The following TRPC3 variants were observed in gnomAD, a reference collection of about 807,000 sequenced individuals.
TRPC3 encodes the protein transient receptor potential cation channel subfamily C member 3, also known as short transient receptor potential channel 3.
Under a neutral mutation model 90.9 loss-of-function variants are expected in TRPC3, and 54 were observed. The ratio of observed to expected loss-of-function variants is 0.59; its 90% confidence interval spans 0.48 to 0.75. The LOEUF (loss-of-function observed/expected upper bound fraction) is 0.75. Among genes scored for constraint, TRPC3 ranks in the 30% least tolerant of loss-of-function variants. The probability of loss-of-function intolerance (pLI) is 0.00; values close to 1 mark genes in which losing one functional copy is unlikely to be tolerated. For synonymous variants in TRPC3, 424 were observed against 450.9 expected, an observed-to-expected ratio of 0.94 and a Z score of 0.75; for missense variants, 918 against 1,194.5, an observed-to-expected ratio of 0.77 and a Z score of 3.41.
intron 1 of TRPC3, chr4:121,933,383 TAA>T: frequency 5.2e-6 from 1 of 193,132 alleles, no homozygotes; most frequent in East Asian, 1.4e-4. Context: ...CTTCCGCTCT[TAA>T]AAGTCTTGGA....
intron 1 of TRPC3, among the ~76,000 whole-genome samples, chr4:121,949,663 C>G (rs1730616007): frequency 6.6e-6 from 1 of 152,168 alleles, no homozygotes; most frequent in Non-Finnish European, 1.5e-5. Context: ...TGCCCTGCCT[C>G]TAGAAGAAAC....
intron 10 of TRPC3, among the ~76,000 whole-genome samples, chr4:121,890,733 T>C (rs1728294750): frequency 6.6e-6 from 1 of 152,188 alleles, no homozygotes; most frequent in African/African-American, 2.4e-5. Context: ...GGCTCATGCC[T>C]GTAATGCCAG....
At chr4:121,948,380 C>CT (rs1553943772) in intron 1 of TRPC3, among the ~76,000 whole-genome samples, 1 of 149,080 alleles carries the variant, frequency 6.7e-6, no homozygotes, top group Non-Finnish European at 1.5e-5. Context: ...TTTTTTTTCC[C>CT]TCAATTTCTC....
chr4:121,897,453 C>CAAAAAAAAAAAAAAAAAAAAAAAAAAAAA (rs70950860), intron 10 of TRPC3, among the ~76,000 whole-genome samples: 2 of 43,420 alleles, frequency 4.6e-5, no homozygotes, highest in Non-Finnish European at 8.1e-5. Context: ...ATCTCAACAG[C>CAAAAAAAAAAAAAAAAAAAAAAAAAAAAA]AAAAAAAAAA....
chr4:121,947,831 AC>A (rs1435839001), intron 1 of TRPC3, among the ~76,000 whole-genome samples: 1 of 152,272 alleles, frequency 6.6e-6, no homozygotes, highest in Non-Finnish European at 1.5e-5. Flanking sequence ...GTTAAAGATA[AC>A]ATTGCTGAAA....
chr4:121,907,504 A>C lies in TRPC3; in HGVS notation c.1856T>G (p.Val619Gly). The C allele has an allele frequency of 1.2e-6, 2 of 1,613,326 alleles. No homozygotes were observed. Among genetic ancestry groups the C allele is most frequent in the Non-Finnish European group, 1.7e-6 (2 of 1,179,488 alleles). The change falls in exon 7 of 12, where the codon GTT becomes GGT. Residue 619 changes from valine (V) to glycine (G), a missense_variant. By Grantham distance (109) the Val-to-Gly change is moderately radical (BLOSUM62 -3). Transcript: ENST00000379645. ...CGCAATCCGAGAGAAGCTGAGCACAACAGCTATGGCATAAAGGCCTTCAGA... is the reference window on the plus strand; with the variant it reads ...CGCAATCCGAGAGAAGCTGAGCACACCAGCTATGGCATAAAGGCCTTCAGA... ...IISEGLYAIA[V>G]VLSFSRIAYI...
chr4:121,932,976 A>C lies in TRPC3; in HGVS notation c.282T>G (p.Ala94=). Residue 94 remains alanine (A), a synonymous_variant, in exon 2 of 12, where the codon GCT becomes GCG. Transcript: ENST00000379645. This position sits in a 1 kb window ranked among gnomAD's most constrained non-coding sequence, Gnocchi z 7.7. ...TGAACATGAAGGCCGGGCCCCTGAC[A>C]GCCTGGCGCCGGCCCTTCTCCCGCA... ...TVMREKGRRQ[A]VRGPAFMFND... is the part of the protein sequence containing the mutation. 1 of 1,611,382 alleles carries C rather than the reference A, an allele frequency of 6.2e-7. No homozygotes were observed. Among genetic ancestry groups the C allele is most frequent in the South Asian group, 1.1e-5 (1 of 90,784 alleles).
intron 9 of TRPC3, among the ~76,000 whole-genome samples, chr4:121,899,995 T>G (rs1315438092): frequency 6.6e-6 from 1 of 152,166 alleles, no homozygotes; most frequent in African/African-American, 2.4e-5. Flanking sequence ...CCTTGTATAC[T>G]TTATCAAAAT....
At chr4:121,918,275 G>A (rs1729388472) in intron 3 of TRPC3, among the ~76,000 whole-genome samples, 1 of 152,154 alleles carries the variant, frequency 6.6e-6, no homozygotes, top group Non-Finnish European at 1.5e-5. Context: ...AGACAAGAAA[G>A]TTTTGTTCTT....
At position 121,933,016 on chromosome 4, in the gene TRPC3, C is replaced by A; in HGVS notation, c.242G>T (p.Arg81Ile). The change falls in exon 2 of 12, where the codon AGA becomes ATA. Residue 81 changes from arginine (R) to isoleucine (I), a missense_variant. Coordinates refer to ENST00000379645, the MANE Select transcript of TRPC3 (RefSeq NM_001130698.2). ...CTTCTCCCGCATCACTGTCATGCGTCTCAGGGATGGGCTTCCCTCCATGGA... is the reference window on the plus strand; with the variant it reads ...CTTCTCCCGCATCACTGTCATGCGTATCAGGGATGGGCTTCCCTCCATGGA... ...DLSMEGSPSL[R>I]RMTVMREKGR... is the part of the protein sequence containing the mutation. 6.3e-7 allele frequency: 1 copy of A among 1,596,592 alleles called. No homozygotes were observed. Among genetic ancestry groups the A allele is most frequent in the South Asian group, 1.1e-5 (1 of 88,566 alleles).
chr4:121,926,873 C>G (rs1729736609), intron 2 of TRPC3, among the ~76,000 whole-genome samples: 1 of 152,222 alleles, frequency 6.6e-6, no homozygotes, highest in Non-Finnish European at 1.5e-5. Context: ...TGCAAATTCT[C>G]AGACCCCAGC....
chr4:121,948,330 A>T (rs1266991015), intron 1 of TRPC3, among the ~76,000 whole-genome samples: 1 of 151,030 alleles, frequency 6.6e-6, no homozygotes, highest in East Asian at 1.9e-4. Flanking sequence ...GCCATCATGG[A>T]TAGTGAGTTG....
At chr4:121,929,769 C>T (rs936531448) in intron 2 of TRPC3, among the ~76,000 whole-genome samples, 3 of 151,452 alleles carry the variant, frequency 2.0e-5, no homozygotes, top group Middle Eastern at 3.2e-3. Context: ...ATGGCAATTT[C>T]GGGGGTGAGA....
chr4:121,944,313 T>C (rs1456433939), intron 1 of TRPC3, among the ~76,000 whole-genome samples: 1 of 150,462 alleles, frequency 6.6e-6, no homozygotes, highest in East Asian at 2.0e-4. Flanking sequence ...AGCTAGGAAA[T>C]TTAAAGGATT....
At chr4:121,919,527 G>A (rs1729429560) in intron 3 of TRPC3, among the ~76,000 whole-genome samples, 1 of 152,102 alleles carries the variant, frequency 6.6e-6, no homozygotes, top group South Asian at 2.1e-4. Context: ...TGGTGCCTGG[G>A]GAAGACCAGG....
In TRPC3 at chr4:121,944,183, G is replaced by A. The variant is rs573399979; in HGVS notation, c.215+7283C>T. Reference sequence around the variant, plus strand: ...TTATGCAACACTGAGGGCAGTAGAGGGGAGAGGGTTGAGAAGCAAGACTTC... The same window carrying A: ...TTATGCAACACTGAGGGCAGTAGAGAGGAGAGGGTTGAGAAGCAAGACTTC... On this transcript the variant is annotated intron_variant, in intron 1 of 11. Coordinates refer to ENST00000379645, the MANE Select transcript of TRPC3 (RefSeq NM_001130698.2). Among the ~76,000 whole-genome samples, 6 of 152,226 alleles carry A rather than the reference G, an allele frequency of 3.9e-5. 1 individual carries two copies. The East Asian group carries it at 1.2e-3, about 29-fold the overall frequency.
chr4:121,906,355 T>C (rs113395738), intron 7 of TRPC3, among the ~76,000 whole-genome samples: 2,127 of 152,150 alleles, frequency 0.014, 26 homozygotes, highest in Non-Finnish European at 0.023. Context: ...TGAGTTACCA[T>C]AGAGTTAAAA....
At position 121,911,978 on chromosome 4, in the gene TRPC3, G is replaced by A. The variant is rs766044392; in HGVS notation, c.1457C>T (p.Thr486Met). 27 of 1,613,782 alleles carry A rather than the reference G, an allele frequency of 1.7e-5. No homozygotes were observed. The South Asian group carries it at 1.9e-4, about 11-fold the overall frequency. Residue 486 changes from threonine (T) to methionine (M), a missense_variant, in exon 5 of 12, where the codon ACG becomes ATG. Physicochemically the swap from Thr to Met is moderately conservative, Grantham distance 81. Transcript: ENST00000379645. ...GTCAGTAACTGTGATATTGGGCAGC[G>A]TGGTGATGCCTTCGAACCTGTCTGA... ...NASDRFEGIT[T>M]LPNITVTDYP...
At chr4:121,902,627 T>A (rs1456291117) in intron 9 of TRPC3, among the ~76,000 whole-genome samples, 2 of 152,208 alleles carry the variant, frequency 1.3e-5, no homozygotes, top group African/African-American at 4.8e-5. Flanking sequence ...TTGTTTTTAA[T>A]CTGGCAGTTT....
Sources: gnomAD v4.1 joint callset for allele counts (sites outside exome capture counted in the v4.1 genomes callset) on GRCh38, gnomAD v4.1.1 for gene constraint, Gnocchi (gnomAD v3.1) non-coding constraint, MANE v1.5 for transcripts, NCBI Gene and HGNC (gene_info 2026-07-23, HGNC 2026-07-21) for gene names.